The following DLG4 variants were observed in gnomAD, a reference collection of about 807,000 sequenced individuals.
The protein encoded by DLG4 is discs large MAGUK scaffold protein 4.
A neutral mutation model predicts 93.8 loss-of-function variants in DLG4; 7 were observed. The ratio of observed to expected loss-of-function variants is 0.07; its 90% CI spans 0.04 to 0.14. The LOEUF (loss-of-function observed/expected upper bound fraction) is 0.14. Among genes scored for constraint, DLG4 ranks in the 10% least tolerant of loss-of-function variants. The pLI, the probability that DLG4 is intolerant of heterozygous loss-of-function variation, is 1.00. For missense variants in DLG4, 545 were observed against 992.9 expected, an observed-to-expected ratio of 0.55 and a Z score of 6.06; for synonymous variants, 341 against 387.6, an observed-to-expected ratio of 0.88 and a Z score of 1.41.
At chr17:7,217,042 C>A (rs1257907956) in intron 1 of DLG4, 76 bp downstream of exon 1, 11 of 1,221,784 alleles carry the variant, frequency 9.0e-6, no homozygotes, top group Non-Finnish European at 1.1e-5. Flanking sequence ...GGGCGCCAGT[C>A]CCAGATAAGG....
At position 7,190,682 on chromosome 17, in the gene DLG4, G is replaced by A. The variant is rs747005972; in HGVS notation, c.*26C>T. The A allele has an allele frequency of 1.5e-5, 23 of 1,580,126 alleles. No individual in the cohort carries two copies. Among genetic ancestry groups the A allele is most frequent in the Non-Finnish European group, 1.7e-5 (19 of 1,149,070 alleles). On this transcript the variant is annotated 3_prime_UTR_variant, in exon 20 of 20. Coordinates refer to ENST00000399506, the MANE Select transcript of DLG4 (RefSeq NM_001321075.3). Reference sequence around the variant, plus strand: ...AGGGCCCAGGTGATGGAGGCAGGGCGAGTCCAGGCCAAGCCAGGGCAGGAA... The same window carrying A: ...AGGGCCCAGGTGATGGAGGCAGGGCAAGTCCAGGCCAAGCCAGGGCAGGAA...
chr17:7,208,327 C>A lies in DLG4; in HGVS notation c.31-88G>T. 1 of 1,200,560 alleles carries A rather than the reference C, an allele frequency of 8.3e-7. No individual in the cohort carries two copies. The allele number at this position is 1,200,560 out of a possible 1,614,324, so 74.4% of individuals were successfully genotyped here. On this transcript the variant is annotated intron_variant, in intron 1 of 19. Coordinates refer to ENST00000399506, the MANE Select transcript of DLG4 (RefSeq NM_001321075.3). This position sits in a 1 kb window ranked among gnomAD's most constrained non-coding sequence, Gnocchi z 5.4. ...CCCTGGCCGCCGCCTCTTCCCCCAGCCAGTGCAGTGCGGAAGGCCCTGGGG... is the reference window on the plus strand; with the variant it reads ...CCCTGGCCGCCGCCTCTTCCCCCAGACAGTGCAGTGCGGAAGGCCCTGGGG...
At position 7,194,114 on chromosome 17, in the gene DLG4, TCTC is replaced by T. The variant is rs2069644456; in HGVS notation, c.1479-117_1479-115del. 27 of 1,416,072 alleles carry T rather than the reference TCTC, an allele frequency of 1.9e-5. No individual in the cohort carries two copies. Among genetic ancestry groups the T allele is most frequent in the Non-Finnish European group, 2.4e-5 (25 of 1,038,516 alleles). 87.7% of individuals were successfully genotyped at this position (1,416,072 alleles called of 1,614,324 possible). A position where few individuals can be genotyped will look rare whatever the true frequency, so the allele number is the denominator to read the frequency against. The stretch of plus-strand genomic sequence containing the variant: ...ATACTCTGGGCCAGCTGACACCCCT[TCTC>T]CTGCAGCCCTGGACACTGTGCTCCT... On this transcript the variant is annotated intron_variant, in intron 12 of 19. Coordinates refer to ENST00000399506, the MANE Select transcript of DLG4 (RefSeq NM_001321075.3). The surrounding 1 kb of genome is among the most constrained non-coding windows in gnomAD (Gnocchi z 4.4).
In DLG4 at chr17:7,190,660, G is replaced by T; in HGVS notation, c.*48C>A. 1 of 1,485,030 alleles carries T rather than the reference G, an allele frequency of 6.7e-7. No individual in the cohort carries two copies. The highest frequency in any genetic ancestry group is 9.4e-7 in the Non-Finnish European group (1 of 1,062,462). 92.0% of individuals were successfully genotyped at this position (1,485,030 alleles called of 1,614,324 possible). The stretch of plus-strand genomic sequence containing the variant: ...TTGGGCAATTCAGTCCAGACCAAGG[G>T]CCCAGGTGATGGAGGCAGGGCGAGT... On this transcript the variant is annotated 3_prime_UTR_variant, in exon 20 of 20. Transcript: ENST00000399506.
At chr17:7,219,124 A>G (rs1450759287), upstream of DLG4, 8 of 532,600 alleles carry the variant, frequency 1.5e-5, no homozygotes, top group Admixed American at 2.7e-4. Flanking sequence ...AAAGAAGCTG[A>G]GCCCAGCTCT....
chr17:7,203,554 C>T lies in DLG4; in HGVS notation c.375G>A (p.Val125=). The T allele has an allele frequency of 6.2e-7, 1 of 1,613,238 alleles. No individual in the cohort carries two copies. The highest frequency in any genetic ancestry group is 1.3e-5 in the African/African-American group (1 of 75,028). The change falls in exon 6 of 20, where the codon GTG becomes GTA. Residue 125 remains valine, a synonymous_variant. Transcript: ENST00000399506. The surrounding 1 kb of genome is among the most constrained non-coding windows in gnomAD (Gnocchi z 7.2). ...CCGCCGCTGAGTGGGTCACCTCGCG[C>T]ACGTCCACTTCATTTACAAACAGGA... ...DSILFVNEVD[V]REVTHSAAVE...
rs1273711372 is a variant in DLG4, at chr17:7,187,925, C to T, written c.*2783G>A. Among the ~76,000 whole-genome samples, 1 of 152,016 alleles carries T rather than the reference C, an allele frequency of 6.6e-6. No individual in the cohort carries two copies. The highest frequency in any genetic ancestry group is 1.5e-5 in the Non-Finnish European group (1 of 68,012). ...TTCTACTAAAAATATTAAAAAATAG[C>T]TGTGTGTTATGGCACGCATCTGTAA... On this transcript the variant is annotated 3_prime_UTR_variant, in exon 20 of 20. Coordinates refer to ENST00000399506, the MANE Select transcript of DLG4 (RefSeq NM_001321075.3).
Position 7,191,722 on chromosome 17 carries a change from G to C in DLG4, c.1976+171C>G, listed in dbSNP as rs1389593806. The C allele has an allele frequency of 1.8e-6, 1 of 568,340 alleles. No homozygotes were observed. Among genetic ancestry groups the C allele is most frequent in the Admixed American group, 3.2e-5 (1 of 31,170 alleles). The allele number at this position is 568,340 out of a possible 1,614,324, so 35.2% of individuals were successfully genotyped here. ...GTCCTGTCTAGCCAAGGCAGGAGAG[G>C]AGGGGAAAGACCCGATTCCCCCACA... On this transcript the variant is annotated intron_variant, in intron 18 of 19. Transcript: ENST00000399506. This position sits in a 1 kb window ranked among gnomAD's most constrained non-coding sequence, Gnocchi z 6.6.
chr17:7,206,757 A>C, intron 2 of DLG4, among the ~76,000 whole-genome samples: 1 of 146,732 alleles, frequency 6.8e-6, no homozygotes, highest in Admixed American at 6.8e-5. Flanking sequence ...CTATCCCCCA[A>C]CTCCTCTCTT....
In DLG4 at chr17:7,208,264, C is replaced by T. The variant is rs576631665; in HGVS notation, c.31-25G>A. 1.9e-5 allele frequency: 25 copies of T among 1,311,346 alleles called. No homozygotes were observed. In the African/African-American group the frequency reaches 3.3e-4, roughly 17 times the overall value. 81.2% of individuals were successfully genotyped at this position (1,311,346 alleles called of 1,614,324 possible). A position where few individuals can be genotyped will look rare whatever the true frequency, so the allele number is the denominator to read the frequency against. ...TCTGGGGATGGGGACGGAGGTGTCA[C>T]TGGGGCCAGCCCGGTGCCTCAGGCT... is the stretch of plus-strand genomic sequence containing the variant. On this transcript the variant is annotated intron_variant, in intron 1 of 19. Coordinates refer to ENST00000399506, the MANE Select transcript of DLG4 (RefSeq NM_001321075.3). The surrounding 1 kb of genome is among the most constrained non-coding windows in gnomAD (Gnocchi z 5.4).
Position 7,195,854 on chromosome 17 carries a change from G to T in DLG4, c.1301+366C>A, listed in dbSNP as rs2069750764. Among the ~76,000 whole-genome samples, 1 of 152,204 alleles carries T rather than the reference G, an allele frequency of 6.6e-6. No individual in the cohort carries two copies. Among genetic ancestry groups the T allele is most frequent in the African/African-American group, 2.4e-5 (1 of 41,452 alleles). Reference sequence around the variant, plus strand: ...ACAGAGCTGCGGCCCACGTCTCCGGGACTGCCCACAGGGACGTGAAGGCTG... The same window carrying T: ...ACAGAGCTGCGGCCCACGTCTCCGGTACTGCCCACAGGGACGTGAAGGCTG... On this transcript the variant is annotated intron_variant, in intron 11 of 19. Coordinates refer to ENST00000399506, the MANE Select transcript of DLG4 (RefSeq NM_001321075.3). The surrounding 1 kb of genome is among the most constrained non-coding windows in gnomAD (Gnocchi z 4.3).
At position 7,207,109 on chromosome 17, in the gene DLG4, GGGCAGAGGGGGATAGAAAGAAGATAT is replaced by G. The variant is rs145481098; in HGVS notation, c.96+1039_96+1064del. Among the ~76,000 whole-genome samples, 1,409 of 152,108 alleles carry G rather than the reference GGGCAGAGGGGGATAGAAAGAAGATAT, an allele frequency of 9.3e-3. 20 individuals are homozygous for G. Among genetic ancestry groups the G allele is most frequent in the African/African-American group, 0.032 (1,329 of 41,450 alleles). On this transcript the variant is annotated intron_variant, in intron 2 of 19. Transcript: ENST00000399506. ...AACAGGTGGTGGGGGATGATGGAGG[GGGCAGAGGGGGATAGAAAGAAGATAT>G]GGCAGAGGTGAGAACCCAAGAGGAT...
At chr17:7,204,368 G>A (rs980874137) in intron 2 of DLG4, 116 bp from the exon 3 acceptor site, 20 of 970,696 alleles carry the variant, frequency 2.1e-5, no homozygotes, top group Admixed American at 1.7e-4. Flanking sequence ...AGCCCACTCC[G>A]CCACCCTGAG....
intron 8 of DLG4, among the ~76,000 whole-genome samples, chr17:7,197,695 G>A (rs1381997671): frequency 6.6e-6 from 1 of 152,028 alleles, no homozygotes; most frequent in Non-Finnish European, 1.5e-5. Context: ...ATGTTGTCCA[G>A]GCTGGTCTGG....
At chr17:7,217,749 A>G, upstream of DLG4, 1 of 1,535,278 alleles carries the variant, frequency 6.5e-7, no homozygotes, top group Non-Finnish European at 8.7e-7. Flanking sequence ...ATAGAAGCAG[A>G]AGCACAGAGG....
intron 1 of DLG4, among the ~76,000 whole-genome samples, chr17:7,209,487 T>A (rs2142910298): frequency 6.6e-6 from 1 of 151,974 alleles, no homozygotes; most frequent in South Asian, 2.1e-4. Flanking sequence ...CCAGTACACA[T>A]GGGTAAAAAG....
chr17:7,208,027 C>T lies in DLG4; in HGVS notation c.96+147G>A, dbSNP rs571964094. 2 of 1,254,746 alleles carry T rather than the reference C, an allele frequency of 1.6e-6. No individual in the cohort carries two copies. Among genetic ancestry groups the T allele is most frequent in the East Asian group, 2.9e-5 (1 of 33,946 alleles). 77.7% of individuals were successfully genotyped at this position (1,254,746 alleles called of 1,614,324 possible). On this transcript the variant is annotated intron_variant, in intron 2 of 19. Transcript: ENST00000399506. This position sits in a 1 kb window ranked among gnomAD's most constrained non-coding sequence, Gnocchi z 5.4. ...CGGCCCTTAGGGATTGCTGCAGCTC[C>T]GAGGCTCCGAGGGCCGCACTGGGGA...
At chr17:7,214,075 A>C (rs1217687246) in intron 1 of DLG4, among the ~76,000 whole-genome samples, 1 of 152,172 alleles carries the variant, frequency 6.6e-6, no homozygotes, top group East Asian at 1.9e-4. Flanking sequence ...GCAACGCAGC[A>C]ATCAAGGACT....
Position 7,201,733 on chromosome 17 carries a change from T to C in DLG4, c.787+1170A>G, listed in dbSNP as rs765009944. On this transcript the variant is annotated intron_variant, in intron 8 of 19. Transcript: ENST00000399506. ...CTGTCTCCACTAAAACTACAAAAAT[T>C]AGCCAGGCGTGATGGTGGGCACCTG... Among the ~76,000 whole-genome samples, 2 of 152,068 alleles carry C rather than the reference T, an allele frequency of 1.3e-5. 1 individual carries two copies. The highest frequency in any genetic ancestry group is 2.9e-5 in the Non-Finnish European group (2 of 67,972).
Sources: gnomAD v4.1 joint callset for allele counts (sites outside exome capture counted in the v4.1 genomes callset) on GRCh38, gnomAD v4.1.1 for gene constraint, Gnocchi (gnomAD v3.1) non-coding constraint, MANE v1.5 for transcripts, NCBI Gene and HGNC (gene_info 2026-07-23, HGNC 2026-07-21) for gene names.